MYCBP2: variants seen among roughly 807,000 people sequenced by gnomAD.
MYCBP2 encodes E3 ubiquitin-protein ligase MYCBP2.
A neutral mutation model predicts 525.3 loss-of-function variants in MYCBP2; 120 were observed. The observed-to-expected ratio is 0.23, with a 90% confidence interval of 0.20 to 0.27. The LOEUF (loss-of-function observed/expected upper bound fraction) is 0.27, where lower values mean the gene tolerates loss of function less well. Among genes scored for constraint, MYCBP2 ranks in the 10% least tolerant of loss-of-function variants. The probability of loss-of-function intolerance (pLI) is 1.00; values close to 1 mark genes in which losing one functional copy is unlikely to be tolerated. For synonymous variants in MYCBP2, 1,894 were observed against 1,955.8 expected (o/e 0.97, Z 0.83); for missense variants, 4,149 against 5,657.1 (o/e 0.73, Z 8.55).
At chr13:77,174,568 G>A (rs2059432083) in intron 36 of MYCBP2, 79 bp from the exon 37 acceptor site, 4 of 1,029,088 alleles carry the variant, frequency 3.9e-6, no homozygotes, top group Non-Finnish European at 5.6e-6. Flanking sequence ...AGTAAAATAG[G>A]CAAATATACT....
chr13:77,186,112 A>G, intron 30 of MYCBP2, 49 bp from the exon 31 acceptor site: 1 of 1,316,336 alleles, frequency 7.6e-7, no homozygotes. Context: ...AAATGATACC[A>G]TAAACGGAAT....
chr13:77,205,550 G>C lies in MYCBP2; in HGVS notation c.3638C>G (p.Ala1213Gly). The C allele has an allele frequency of 1.9e-6, 3 of 1,613,322 alleles. No individual in the cohort carries two copies. Among genetic ancestry groups the C allele is most frequent in the Non-Finnish European group, 2.5e-6 (3 of 1,179,734 alleles). The change falls in exon 25 of 83, where the codon GCA becomes GGA. Residue 1213 changes from alanine (A) to glycine (G), a missense_variant. Transcript: ENST00000544440. ...TGCTTGAGTCTCTTCCTCTGTACTT[G>C]CAACACCCATTTTTAAGTCCTGCAT... ...AAMQDLKMGVASTEEETQAVM... is the reference protein window; with the variant it reads ...AAMQDLKMGVGSTEEETQAVM...
chr13:77,318,982 C>T (rs1188456306), intron 1 of MYCBP2, among the ~76,000 whole-genome samples: 1 of 152,132 alleles, frequency 6.6e-6, no homozygotes, highest in South Asian at 2.1e-4. Context: ...ATGTCAAAAC[C>T]GTGAACTACC....
chr13:77,272,249 G>A (rs894212315), intron 5 of MYCBP2: 1 of 152,138 alleles, frequency 6.6e-6, no homozygotes. Context: ...TGGATACCTA[G>A]AACATTCTCT....
intron 43 of MYCBP2, among the ~76,000 whole-genome samples, chr13:77,163,507 T>C (rs2058185443): frequency 6.6e-6 from 1 of 152,056 alleles, no homozygotes; most frequent in African/African-American, 2.4e-5. Context: ...GGTAAGAAAA[T>C]AAAACTTTAA....
intron 52 of MYCBP2, among the ~76,000 whole-genome samples, chr13:77,134,373 A>C (rs2053403382): frequency 6.6e-6 from 1 of 152,022 alleles, no homozygotes; most frequent in African/African-American, 2.4e-5. Flanking sequence ...GTCTCTACTA[A>C]AAATACAAAA....
At chr13:77,101,795 C>T (rs1188296425) in intron 55 of MYCBP2, among the ~76,000 whole-genome samples, 2 of 151,770 alleles carry the variant, frequency 1.3e-5, no homozygotes, top group Non-Finnish European at 2.9e-5. Context: ...GGGTAAGCCC[C>T]TGTGCTAATT....
intron 71 of MYCBP2, among the ~76,000 whole-genome samples, chr13:77,067,294 T>TA (rs2154079978): frequency 6.6e-6 from 1 of 152,342 alleles, no homozygotes; most frequent in African/African-American, 2.4e-5. Context: ...ACATATTACC[T>TA]AAAACTGAAG....
chr13:77,050,926 T>C, intron 82 of MYCBP2, 71 bp downstream of exon 82: 1 of 1,328,090 alleles, frequency 7.5e-7, no homozygotes. Context: ...GAAACAGAGC[T>C]TTCATATAAT....
intron 68 of MYCBP2, 136 bp from the exon 69 acceptor site, chr13:77,070,847 G>A: frequency 1.9e-6 from 1 of 521,926 alleles, no homozygotes; most frequent in South Asian, 3.7e-5. Flanking sequence ...TTTAAATTGA[G>A]GCTTATAATA....
At chr13:77,139,954 TTC>T (rs1160446255) in intron 51 of MYCBP2, 91 bp downstream of exon 51, 1 of 738,750 alleles carries the variant, frequency 1.4e-6, no homozygotes, top group Admixed American at 2.8e-5. Context: ...TTAAAACATA[TTC>T]TGACAAAAAA....
At chr13:77,270,185 T>C in intron 6 of MYCBP2, 111 bp downstream of exon 6, 1 of 1,427,870 alleles carries the variant, frequency 7.0e-7, no homozygotes, top group Non-Finnish European at 9.5e-7. Context: ...AAATAAATAT[T>C]ATTACACTAA....
intron 52 of MYCBP2, among the ~76,000 whole-genome samples, chr13:77,137,144 C>T (rs1009167877): frequency 1.3e-5 from 2 of 152,212 alleles, no homozygotes; most frequent in Admixed American, 6.5e-5. Context: ...ACCTTTGTTA[C>T]TCCCTTCTTT....
intron 66 of MYCBP2, 48 bp downstream of exon 66, chr13:77,078,775 GA>G (rs2042787064): frequency 1.3e-6 from 2 of 1,484,996 alleles, no homozygotes; most frequent in Admixed American, 3.4e-5. Context: ...CTGAGAAGAA[GA>G]AATTTCTCTC....
intron 44 of MYCBP2, among the ~76,000 whole-genome samples, chr13:77,161,042 C>T (rs905988295): frequency 1.3e-5 from 2 of 152,134 alleles, no homozygotes; most frequent in Non-Finnish European, 2.9e-5. Flanking sequence ...ATCTTCACAC[C>T]ATTGCTAGAT....
At chr13:77,185,776 G>A in intron 31 of MYCBP2, 95 bp downstream of exon 31, 2 of 901,942 alleles carry the variant, frequency 2.2e-6, no homozygotes, top group Non-Finnish European at 3.2e-6. Flanking sequence ...CTTAAATGCA[G>A]CTGGGGGGCA....
intron 68 of MYCBP2, among the ~76,000 whole-genome samples, chr13:77,072,976 T>A (rs1225821525): frequency 6.6e-6 from 1 of 152,192 alleles, no homozygotes; most frequent in Non-Finnish European, 1.5e-5. Context: ...TTATTTTTGC[T>A]TTTTAAAAAC....
In MYCBP2 at chr13:77,098,682, T is replaced by A; in HGVS notation, c.8472A>T (p.Pro2824=). 1.2e-6 allele frequency: 2 copies of A among 1,613,608 alleles called. No individual in the cohort carries two copies. The highest frequency in any genetic ancestry group is 3.3e-5 in the Admixed American group (2 of 59,908). Residue 2824 remains proline (P), a synonymous_variant, in exon 56 of 83, where the codon CCA becomes CCT. Coordinates refer to ENST00000544440, the MANE Select transcript of MYCBP2 (RefSeq NM_015057.5). ...TAGACCTATTGGCTGGGAGAGTCTT[T>A]GGCTTAGGAGATGACAACCGAGAAC... ...GPGSRLSSPK[P]KTLPANRSSP... is the part of the protein sequence containing the mutation.
intron 3 of MYCBP2, among the ~76,000 whole-genome samples, chr13:77,285,931 A>G (rs2076708026): frequency 6.6e-6 from 1 of 152,094 alleles, no homozygotes; most frequent in Admixed American, 6.6e-5. Flanking sequence ...GGAAGGAGCT[A>G]TTAGAGTAGG....
Sources: gnomAD v4.1 joint callset for allele counts (sites outside exome capture counted in the v4.1 genomes callset) on GRCh38, gnomAD v4.1.1 for gene constraint, MANE v1.5 for transcripts, NCBI Gene and HGNC (gene_info 2026-07-23, HGNC 2026-07-21) for gene names.